The following RANBP2 variants were observed in gnomAD, a reference collection of about 807,000 sequenced individuals.
RANBP2 encodes E3 SUMO-protein ligase RanBP2.
A neutral mutation model predicts 303.6 loss-of-function variants in RANBP2; 57 were observed. The observed-to-expected ratio is 0.19, with a 90% CI of 0.15 to 0.23. The LOEUF (loss-of-function observed/expected upper bound fraction) is 0.23, where lower values mean the gene tolerates loss of function less well. RANBP2 is among the 10% of genes least tolerant of loss of function. RANBP2 has a pLI of 1.00. For synonymous variants in RANBP2, 1,167 were observed against 1,301.5 expected (o/e 0.90, Z 2.23); for missense variants, 3,138 against 3,780.8 (o/e 0.83, Z 4.46).
the RANBP2 span, among the ~76,000 whole-genome samples, chr2:109,249,465 T>TTCTC: frequency 5.0e-4 from 63 of 125,706 alleles, no homozygotes; most frequent in African/African-American, 1.5e-3. Context: ...CTTTCTCTCT[T>TTCTC]TCTCTTTCTT....
the RANBP2 span, among the ~76,000 whole-genome samples, chr2:109,571,398 C>A: frequency 9.5e-3 from 1,442 of 152,264 alleles, 63 homozygotes; most frequent in East Asian, 0.13. Context: ...GCCTATGACA[C>A]ACCTAGGCTG....
At chr2:109,633,080 C>T in the RANBP2 span, among the ~76,000 whole-genome samples, 1 of 151,826 alleles carries the variant, frequency 6.6e-6, no homozygotes, top group Non-Finnish European at 1.5e-5. Context: ...AAGTTTTGAA[C>T]GAAGACATGA....
the RANBP2 span, among the ~76,000 whole-genome samples, chr2:109,135,983 C>T: frequency 5.9e-5 from 9 of 152,196 alleles, no homozygotes; most frequent in African/African-American, 2.2e-4. Flanking sequence ...ACGAGCCCAC[C>T]TCCGTCATCC....
chr2:109,029,628 G>A, the RANBP2 span, among the ~76,000 whole-genome samples: 1 of 152,212 alleles, frequency 6.6e-6, no homozygotes, highest in South Asian at 2.1e-4. Context: ...AGAGCAGGGT[G>A]ACCCTGGGGA....
chr2:109,126,536 A>C, the RANBP2 span, among the ~76,000 whole-genome samples: 1 of 152,302 alleles, frequency 6.6e-6, no homozygotes, highest in South Asian at 2.1e-4. Context: ...ACTGGTCCAT[A>C]CTAGTGATAG....
rs1678348902 is a variant in RANBP2, at chr2:108,782,842, A to G, written c.9349A>G (p.Ile3117Val). The G allele has an allele frequency of 1.2e-6, 2 of 1,613,782 alleles. No individual in the cohort carries two copies. The highest frequency in any genetic ancestry group is 2.2e-5 in the East Asian group (1 of 44,880). Reference protein sequence around the residue: ...GFKNSIFHRVIPDFVCQGGDI... With the variant: ...GFKNSIFHRVVPDFVCQGGDI... ...CAAGAATTCCATTTTTCACAGAGTAATTCCAGATTTTGTTTGCCAAGTAGG... is the reference window on the plus strand; with the variant it reads ...CAAGAATTCCATTTTTCACAGAGTAGTTCCAGATTTTGTTTGCCAAGTAGG... The change falls in exon 28 of 29, where the codon ATT becomes GTT. Residue 3117 changes from isoleucine (I) to valine (V), a missense_variant. Coordinates refer to ENST00000283195, the MANE Select transcript of RANBP2 (RefSeq NM_006267.5).
the RANBP2 span, among the ~76,000 whole-genome samples, chr2:109,321,271 C>T: frequency 6.6e-6 from 1 of 152,192 alleles, no homozygotes; most frequent in African/African-American, 2.4e-5. Context: ...CATTAAAACG[C>T]CATTCCTTTA....
the RANBP2 span, chr2:108,894,693 AT>A: frequency 1.3e-5 from 2 of 152,480 alleles, no homozygotes; most frequent in Non-Finnish European, 2.9e-5. Flanking sequence ...TTATGATCTC[AT>A]TGTTCTGAAT....
the RANBP2 span, among the ~76,000 whole-genome samples, chr2:108,805,626 C>T: frequency 6.6e-6 from 1 of 151,870 alleles, no homozygotes; most frequent in African/African-American, 2.4e-5. Context: ...ACTCGGGAGG[C>T]TGAGGCAGGA....
At chr2:109,431,436 T>C in the RANBP2 span, among the ~76,000 whole-genome samples, 1 of 152,192 alleles carries the variant, frequency 6.6e-6, no homozygotes, top group African/African-American at 2.4e-5. Flanking sequence ...GCAGAGCACT[T>C]TTGTAAGTAT....
chr2:108,873,434 G>C, the RANBP2 span: 1 of 1,571,546 alleles, frequency 6.4e-7, no homozygotes, highest in East Asian at 2.3e-5. Flanking sequence ...GTAAAGCACT[G>C]TTGATTTGTT....
the RANBP2 span, among the ~76,000 whole-genome samples, chr2:109,024,298 C>G: frequency 6.6e-6 from 1 of 152,150 alleles, no homozygotes; most frequent in Non-Finnish European, 1.5e-5. Flanking sequence ...CATGAATGTA[C>G]AAAAACTTCC....
At chr2:109,323,569 C>T in the RANBP2 span, among the ~76,000 whole-genome samples, 4 of 152,296 alleles carry the variant, frequency 2.6e-5, no homozygotes, top group East Asian at 1.9e-4. Flanking sequence ...GAGCCCCCAG[C>T]GAAGCTTGAA....
chr2:109,027,337 G>T, the RANBP2 span, among the ~76,000 whole-genome samples: 1 of 151,986 alleles, frequency 6.6e-6, no homozygotes, highest in African/African-American at 2.4e-5. Context: ...AGGCATTGCA[G>T]AGGTCTCCTG....
chr2:109,706,949 C>T, the RANBP2 span, among the ~76,000 whole-genome samples: 4 of 152,162 alleles, frequency 2.6e-5, no homozygotes, highest in African/African-American at 9.6e-5. Flanking sequence ...GCCACCAGGG[C>T]CAAGTAATGC....
At chr2:108,976,957 A>C in the RANBP2 span, among the ~76,000 whole-genome samples, 3 of 152,164 alleles carry the variant, frequency 2.0e-5, no homozygotes, top group Non-Finnish European at 2.9e-5. Context: ...TTAGAATCCC[A>C]GATCTGGGTG....
chr2:109,276,033 A>G, the RANBP2 span, among the ~76,000 whole-genome samples: 3 of 152,188 alleles, frequency 2.0e-5, no homozygotes, highest in Admixed American at 1.3e-4. Context: ...TTCATGGTTC[A>G]GTTGGCAGAG....
At chr2:109,442,310 C>CAA in the RANBP2 span, among the ~76,000 whole-genome samples, 4,053 of 75,788 alleles carry the variant, frequency 0.053, 100 homozygotes, top group Middle Eastern at 0.12. Context: ...GACTCCACCT[C>CAA]AAAAAAAAAA....
the RANBP2 span, among the ~76,000 whole-genome samples, chr2:109,569,385 C>T: frequency 3.4e-5 from 5 of 149,192 alleles, no homozygotes; most frequent in Non-Finnish European, 4.4e-5. Flanking sequence ...GAGCCGAGAT[C>T]GCGTCATTGC....
Sources: allele counts gnomAD v4.1 joint callset (sites outside exome capture counted in the v4.1 genomes callset), GRCh38; gene constraint gnomAD v4.1.1; transcripts MANE v1.5; gene names NCBI Gene and HGNC (gene_info 2026-07-23, HGNC 2026-07-21).